Variants in ROBO2 observed in about 807,000 individuals in gnomAD.
ROBO2 encodes the protein roundabout guidance receptor 2, also known as roundabout homolog 2.
A neutral mutation model predicts 160.8 loss-of-function variants in ROBO2; 53 were observed. The observed-to-expected ratio is 0.33, with a 90% CI of 0.26 to 0.41. ROBO2 has a LOEUF of 0.41. Among genes scored for constraint, ROBO2 ranks in the 10% least tolerant of loss-of-function variants. The pLI is 1.00. For missense variants in ROBO2, 1,577 were observed against 1,722.4 expected, an observed-to-expected ratio of 0.92 and a Z score of 1.49; for synonymous variants, 664 against 611.7, an observed-to-expected ratio of 1.09 and a Z score of -1.26.
At chr3:75,914,115 A>G (rs2106760899) in intron 1 of ROBO2, among the ~76,000 whole-genome samples, 1 of 152,082 alleles carries the variant, frequency 6.6e-6, no homozygotes, top group South Asian at 2.1e-4. Context: ...TTTTTCCTTC[A>G]TTTTTCTTAA....
chr3:76,776,488 G>A (rs2062271748), intron 2 of ROBO2, among the ~76,000 whole-genome samples: 1 of 150,906 alleles, frequency 6.6e-6, no homozygotes, highest in South Asian at 2.1e-4. Context: ...ATTTAAAGTA[G>A]ATAGAGGAAA....
At chr3:76,365,829 A>G (rs1248508553) in intron 2 of ROBO2, among the ~76,000 whole-genome samples, 2 of 131,562 alleles carry the variant, frequency 1.5e-5, no homozygotes, top group Admixed American at 1.9e-4. Context: ...AACGACCAAC[A>G]TAAATCCACA....
At chr3:75,971,533 C>T (rs368567529) in intron 2 of ROBO2, among the ~76,000 whole-genome samples, 1 of 151,526 alleles carries the variant, frequency 6.6e-6, no homozygotes, top group Non-Finnish European at 1.5e-5. Context: ...ATTCATCCTA[C>T]TTTGTCAAAC....
chr3:77,156,032 C>T (rs899845530), intron 2 of ROBO2, among the ~76,000 whole-genome samples: 2 of 151,956 alleles, frequency 1.3e-5, no homozygotes, highest in Non-Finnish European at 2.9e-5. Flanking sequence ...TGCAAATTTT[C>T]ATCTTCCTCT....
chr3:77,179,439 T>C (rs573919113), intron 2 of ROBO2, among the ~76,000 whole-genome samples: 1 of 151,278 alleles, frequency 6.6e-6, no homozygotes, highest in South Asian at 2.1e-4. Context: ...TACATACATA[T>C]GCACTTAACA....
chr3:76,083,718 A>G (rs530715679), intron 2 of ROBO2, among the ~76,000 whole-genome samples: 3 of 152,106 alleles, frequency 2.0e-5, no homozygotes, highest in African/African-American at 4.8e-5. Context: ...GGCTTGTTCT[A>G]TGTACTTATT....
At chr3:77,424,296 A>G (rs2077979621) in intron 2 of ROBO2, among the ~76,000 whole-genome samples, 1 of 152,136 alleles carries the variant, frequency 6.6e-6, no homozygotes, top group African/African-American at 2.4e-5. Flanking sequence ...TGTGAGTAGG[A>G]TGGTATGAGT....
chr3:76,131,580 G>A (rs1452131359), intron 2 of ROBO2, among the ~76,000 whole-genome samples: 2 of 152,028 alleles, frequency 1.3e-5, no homozygotes, highest in Non-Finnish European at 2.9e-5. Context: ...TTTTTCCTTG[G>A]GCAGGAATCA....
At chr3:76,441,282 T>C (rs556149508) in intron 2 of ROBO2, among the ~76,000 whole-genome samples, 14 of 152,352 alleles carry the variant, frequency 9.2e-5, no homozygotes, top group African/African-American at 3.1e-4. Context: ...GGTACTATTC[T>C]TCCTTTGCCA....
intron 2 of ROBO2, among the ~76,000 whole-genome samples, chr3:77,176,543 A>G (rs1394495381): frequency 6.6e-6 from 1 of 152,052 alleles, no homozygotes; most frequent in East Asian, 1.9e-4. Flanking sequence ...TTACCTATAC[A>G]TGGCATTCTA....
chr3:76,134,031 C>T (rs2071334046), intron 2 of ROBO2, among the ~76,000 whole-genome samples: 1 of 152,050 alleles, frequency 6.6e-6, no homozygotes, highest in African/African-American at 2.4e-5. Context: ...TATTCTTAGG[C>T]TTGTCATTTC....
At chr3:76,760,315 A>G (rs1481736165) in intron 2 of ROBO2, among the ~76,000 whole-genome samples, 1 of 151,778 alleles carries the variant, frequency 6.6e-6, no homozygotes, top group Non-Finnish European at 1.5e-5. Flanking sequence ...TTCCTATTGT[A>G]AAATAGTTTC....
At chr3:76,262,018 G>A (rs775922021) in intron 2 of ROBO2, among the ~76,000 whole-genome samples, 2 of 152,078 alleles carry the variant, frequency 1.3e-5, no homozygotes, top group Non-Finnish European at 2.9e-5. Context: ...TTTATGCAGA[G>A]CATGCTTGTT....
intron 2 of ROBO2, among the ~76,000 whole-genome samples, chr3:76,311,981 G>T (rs529326365): frequency 1.3e-5 from 2 of 152,294 alleles, no homozygotes; most frequent in East Asian, 3.9e-4. Context: ...TTCTTCTGCT[G>T]TTGAAAAATT....
chr3:76,277,610 G>T (rs557171469), intron 2 of ROBO2, among the ~76,000 whole-genome samples: 1 of 152,022 alleles, frequency 6.6e-6, no homozygotes, highest in Non-Finnish European at 1.5e-5. Context: ...AAAGCCTTCA[G>T]CAATTGACTT....
chr3:76,655,161 G>A (rs747745368), intron 2 of ROBO2, among the ~76,000 whole-genome samples: 25 of 149,658 alleles, frequency 1.7e-4, no homozygotes, highest in Admixed American at 3.3e-4. Context: ...ATTAATATTC[G>A]CAGGGGTGGA....
chr3:77,446,519 A>G (rs983128980), intron 2 of ROBO2, among the ~76,000 whole-genome samples: 4 of 152,262 alleles, frequency 2.6e-5, no homozygotes, highest in African/African-American at 4.8e-5. Context: ...TATTGTTTTC[A>G]TCATGTTGTC....
At chr3:76,622,264 A>AAACATAGCC (rs2089242027) in intron 2 of ROBO2, among the ~76,000 whole-genome samples, 1 of 74,314 alleles carries the variant, frequency 1.3e-5, no homozygotes, top group African/African-American at 5.3e-5. Context: ...GAAAGAAAGA[A>AAACATAGCC]AGAAAGAAAG....
chr3:75,922,423 A>G (rs1425883693), intron 1 of ROBO2, among the ~76,000 whole-genome samples: 2 of 152,266 alleles, frequency 1.3e-5, no homozygotes, highest in East Asian at 1.9e-4. Context: ...AAACTTTTCT[A>G]TTTCAGAGGA....
Sources: allele counts gnomAD v4.1 joint callset (sites outside exome capture counted in the v4.1 genomes callset), GRCh38; gene constraint gnomAD v4.1.1; transcripts MANE v1.5; gene names NCBI Gene and HGNC (gene_info 2026-07-23, HGNC 2026-07-21).